The following TTC6 variants were observed in gnomAD, a reference collection of about 807,000 sequenced individuals.
TTC6 encodes the protein tetratricopeptide repeat protein 6.
Under a neutral mutation model 210.4 loss-of-function variants are expected in TTC6, and 172 were observed. That is an observed-to-expected ratio of 0.82 (90% CI 0.72 to 0.93). The LOEUF (loss-of-function observed/expected upper bound fraction) is 0.93. Among genes scored for constraint, TTC6 ranks in the 40% least tolerant of loss-of-function variants. TTC6 has a pLI of 0.00. For synonymous variants in TTC6, 804 were observed against 819.6 expected (o/e 0.98, Z 0.32); for missense variants, 2,414 against 2,318.1 (o/e 1.04, Z -0.85).
At chr14:37,732,846 T>C (rs1048160247) in intron 7 of TTC6, among the ~76,000 whole-genome samples, 63 of 148,140 alleles carry the variant, frequency 4.3e-4, no homozygotes, top group African/African-American at 1.4e-3. Flanking sequence ...GACCTCGTGA[T>C]CCGCCCACCT....
intron 10 of TTC6, among the ~76,000 whole-genome samples, chr14:37,744,228 A>C (rs901554887): frequency 1.3e-5 from 2 of 152,234 alleles, no homozygotes; most frequent in Non-Finnish European, 2.9e-5. Flanking sequence ...GCAGTACTGC[A>C]TTAGACAAGG....
chr14:37,821,584 C>A (rs185234317), intron 26 of TTC6, among the ~76,000 whole-genome samples: 1 of 151,974 alleles, frequency 6.6e-6, no homozygotes, highest in East Asian at 1.9e-4. Flanking sequence ...AGAAGAACAC[C>A]TGTTGCACCA....
rs542265282 is a variant in TTC6 at position 37,659,265 on chromosome 14, T to C, written c.940-20886T>C. ...CATTTGTGTGCATGTATCTTCATGGTAGAATGATTTATATTCCTCTGGGTA... is the reference window on the plus strand; with the variant it reads ...CATTTGTGTGCATGTATCTTCATGGCAGAATGATTTATATTCCTCTGGGTA... On this transcript the variant is annotated intron_variant, in intron 1 of 30. Coordinates refer to ENST00000553443, the Ensembl canonical transcript of TTC6. Among the ~76,000 whole-genome samples, 8 of 152,272 alleles carry C rather than the reference T, an allele frequency of 5.3e-5. No homozygotes were observed. In the South Asian group the frequency reaches 1.7e-3, roughly 32 times the overall value.
intron 14 of TTC6, among the ~76,000 whole-genome samples, chr14:37,775,135 C>T (rs927976695): frequency 3.9e-5 from 6 of 152,026 alleles, no homozygotes; most frequent in African/African-American, 1.2e-4. Flanking sequence ...AATTTATTAG[C>T]CTAGTTAGTG....
At chr14:37,600,719 A>G (rs971369062) in intron 1 of TTC6, among the ~76,000 whole-genome samples, 4 of 152,204 alleles carry the variant, frequency 2.6e-5, no homozygotes, top group Admixed American at 2.0e-4. Context: ...TTTTGAAATT[A>G]TGCTTTGGAC....
chr14:37,793,601 G>C (rs2096085522), intron 17 of TTC6, among the ~76,000 whole-genome samples: 1 of 152,186 alleles, frequency 6.6e-6, no homozygotes, highest in South Asian at 2.1e-4. Context: ...GTCAGGGAAA[G>C]GATGGACAAT....
chr14:37,682,348 G>C (rs952098551), intron 2 of TTC6, among the ~76,000 whole-genome samples: 6 of 151,620 alleles, frequency 4.0e-5, no homozygotes, highest in Admixed American at 3.9e-4. Context: ...ATAAAAACAT[G>C]AGCTCCTGCT....
At chr14:37,826,843 A>G (rs1307127165) in intron 28 of TTC6, among the ~76,000 whole-genome samples, 1 of 152,128 alleles carries the variant, frequency 6.6e-6, no homozygotes, top group East Asian at 1.9e-4. Flanking sequence ...AAGAACTGAA[A>G]GATAATTGCT....
chr14:37,736,223 T>G (rs1345436425), intron 8 of TTC6, among the ~76,000 whole-genome samples: 1 of 151,796 alleles, frequency 6.6e-6, no homozygotes, highest in African/African-American at 2.4e-5. Context: ...CCATCTCTAG[T>G]AAAAAAACAA....
At chr14:37,688,446 A>C (rs567504474) in intron 3 of TTC6, among the ~76,000 whole-genome samples, 11 of 152,010 alleles carry the variant, frequency 7.2e-5, no homozygotes, top group South Asian at 2.1e-4. Context: ...AGCAAACATA[A>C]GTAGTGGCCA....
At chr14:37,802,162 A>G (rs2096108132) in intron 20 of TTC6, 1 of 152,150 alleles carries the variant, frequency 6.6e-6, no homozygotes, top group Non-Finnish European at 1.5e-5. Flanking sequence ...CAAGCCCTGC[A>G]TGTTATAAAT....
chr14:37,640,663 C>A (rs1004783753), intron 1 of TTC6, among the ~76,000 whole-genome samples: 10 of 152,286 alleles, frequency 6.6e-5, no homozygotes, highest in African/African-American at 2.2e-4. Context: ...CTGCCTCAGC[C>A]TCCCAAGTAG....
At chr14:37,753,536 G>A (rs775304790) in intron 14 of TTC6, among the ~76,000 whole-genome samples, 1 of 152,118 alleles carries the variant, frequency 6.6e-6, no homozygotes, top group Non-Finnish European at 1.5e-5. Context: ...TTTGAGCACA[G>A]AAAACTATTC....
intron 19 of TTC6, 141 bp from the exon 22 acceptor site, chr14:37,796,646 C>G (rs2096093298): frequency 1.3e-6 from 1 of 799,556 alleles, no homozygotes; most frequent in Non-Finnish European, 1.9e-6. Context: ...ATAGATCTTA[C>G]TATGATTTGT....
chr14:37,823,969 A>T lies in TTC6; in HGVS notation c.4974+12A>T. The T allele has an allele frequency of 6.2e-7, 1 of 1,610,842 alleles. No individual in the cohort carries two copies. The highest frequency in any genetic ancestry group is 8.5e-7 in the Non-Finnish European group (1 of 1,177,296). ...GCTATAATTTGCAGGTAATATAGCA[A>T]CATTTTGAGCATTAAAAGCATGTTT... On this transcript the variant is annotated intron_variant, in intron 27 of 30. Coordinates refer to ENST00000553443, the Ensembl canonical transcript of TTC6.
chr14:37,623,137 T>TTA, intron 1 of TTC6, 134 bp downstream of exon 3: 1 of 617,306 alleles, frequency 1.6e-6, no homozygotes. Context: ...AACACTGGGG[T>TTA]GTTATTCAAC....
intron 1 of TTC6, among the ~76,000 whole-genome samples, chr14:37,678,362 T>A (rs1328964502): frequency 6.6e-6 from 1 of 152,176 alleles, no homozygotes; most frequent in Non-Finnish European, 1.5e-5. Flanking sequence ...CTGGGAATTG[T>A]GACTTACAGC....
exon 27 of TTC6, chr14:37,823,949 A>G (rs778455999): frequency 6.8e-6 from 11 of 1,613,644 alleles, no homozygotes; most frequent in Non-Finnish European, 9.3e-6. Context: ...TTTTGGCTAT[A>G]ATTTGCAGGT....
intron 3 of TTC6, among the ~76,000 whole-genome samples, chr14:37,692,511 C>CA (rs1344047604): frequency 2.0e-5 from 3 of 151,874 alleles, no homozygotes; most frequent in Admixed American, 2.0e-4. Context: ...TCATGAACAA[C>CA]AAAAAATGTC....
Sources: allele counts gnomAD v4.1 joint callset (sites outside exome capture counted in the v4.1 genomes callset), GRCh38; gene constraint gnomAD v4.1.1; transcripts MANE v1.5; gene names NCBI Gene and HGNC (gene_info 2026-07-23, HGNC 2026-07-21).